Variants in ZNF536 observed in about 807,000 individuals in gnomAD.
ZNF536 encodes zinc finger protein 536.
Under a neutral mutation model 84.5 loss-of-function variants are expected in ZNF536, and 13 were observed. The ratio of observed to expected loss-of-function variants is 0.15; its 90% CI spans 0.10 to 0.24. ZNF536 has a LOEUF of 0.24. Among genes scored for constraint, ZNF536 ranks in the 10% least tolerant of loss-of-function variants. ZNF536 has a pLI of 1.00. For synonymous variants in ZNF536, 811 were observed against 742.5 expected (o/e 1.09, Z -1.50); for missense variants, 1,536 against 1,747.5 (o/e 0.88, Z 2.16).
At chr19:30,540,106 G>A (rs1021565646) in intron 3 of ZNF536, among the ~76,000 whole-genome samples, 9 of 152,210 alleles carry the variant, frequency 5.9e-5, no homozygotes, top group Admixed American at 3.9e-4. Context: ...GATCCGCACA[G>A]GGAAGTCAGT....
rs548479683 is a variant in ZNF536, at chr19:30,441,350, C to T, written c.-2-2211C>T. ...TGTTGGCTCAGAAGAGGAGCCAGTG[C>T]AGCTGTATGGGGCTTGAAGGTGGAG... On this transcript the variant is annotated intron_variant, in intron 1 of 4. Transcript: ENST00000355537. Among the ~76,000 whole-genome samples the T allele has an allele frequency of 2.0e-5, 3 of 152,362 alleles. No individual in the cohort carries two copies. The South Asian group carries it at 6.2e-4, about 32-fold the overall frequency.
intron 2 of ZNF536, among the ~76,000 whole-genome samples, chr19:30,320,032 GC>G (rs1380836379): frequency 6.6e-6 from 1 of 151,882 alleles, no homozygotes; most frequent in Admixed American, 6.6e-5. Context: ...TCATCCTTTT[GC>G]CATTGGACAG....
chr19:30,456,500 C>G (rs1231166715), intron 2 of ZNF536, among the ~76,000 whole-genome samples: 1 of 152,026 alleles, frequency 6.6e-6, no homozygotes, highest in Non-Finnish European at 1.5e-5. Context: ...TGTGCTGCGG[C>G]TCTAGACTGT....
intron 2 of ZNF536, among the ~76,000 whole-genome samples, chr19:30,466,347 G>T (rs575859293): frequency 4.8e-4 from 72 of 151,386 alleles, no homozygotes; most frequent in Non-Finnish European, 7.7e-4. Flanking sequence ...TTCAAGACCA[G>T]CTGGGGCAAC....
intron 2 of ZNF536, among the ~76,000 whole-genome samples, chr19:30,287,298 A>G (rs1600082648): frequency 1.8e-5 from 2 of 110,590 alleles, no homozygotes; most frequent in Admixed American, 1.1e-4. Flanking sequence ...TGGATGGATG[A>G]GTGGACGGAT....
intron 3 of ZNF536, among the ~76,000 whole-genome samples, chr19:30,353,493 C>A (rs2047998741): frequency 6.6e-6 from 1 of 152,096 alleles, no homozygotes; most frequent in South Asian, 2.1e-4. Flanking sequence ...ACAGCGAACA[C>A]CAGCAGTGGT....
intron 4 of ZNF536, among the ~76,000 whole-genome samples, chr19:30,552,780 T>C (rs1196791767): frequency 2.6e-5 from 4 of 151,858 alleles, no homozygotes; most frequent in African/African-American, 9.7e-5. Flanking sequence ...GCCAGTTGGG[T>C]GGGGAGACGC....
Position 30,445,289 on chromosome 19 carries a change from A to G in ZNF536, c.1727A>G (p.Gln576Arg), listed in dbSNP as rs1381110771. 3 of 1,614,240 alleles carry G rather than the reference A, an allele frequency of 1.9e-6. No individual in the cohort carries two copies. Among genetic ancestry groups the G allele is most frequent in the Non-Finnish European group, 2.5e-6 (3 of 1,180,048 alleles). The change falls in exon 2 of 5, where the codon CAG becomes CGG. Residue 576 changes from glutamine (Q) to arginine (R), a missense_variant. By Grantham distance (43) the Gln-to-Arg change is conservative (BLOSUM62 1). This residue lies in a region of ZNF536 where 366 missense variants were observed against 364.4 expected (regional missense o/e 1.00). Coordinates refer to ENST00000355537, the MANE Select transcript of ZNF536 (RefSeq NM_014717.3). The surrounding 1 kb of genome is among the most constrained non-coding windows in gnomAD (Gnocchi z 4.5). ...TTAGTGGGAGCAGATGGCTCCAAGC[A>G]GAAAATGCCTGCTGATTTGGTTCAC... The part of the protein sequence containing the change: ...YVLVGADGSK[Q>R]KMPADLVHST...
intron 1 of ZNF536, among the ~76,000 whole-genome samples, chr19:30,627,322 G>A (rs1188026932): frequency 1.3e-5 from 2 of 151,684 alleles, no homozygotes; most frequent in African/African-American, 2.4e-5. Context: ...TAAGAAAATA[G>A]TCAGGTGGTG....
At chr19:30,265,802 T>G (rs549536730) in intron 1 of ZNF536, among the ~76,000 whole-genome samples, 1 of 152,296 alleles carries the variant, frequency 6.6e-6, no homozygotes, top group Non-Finnish European at 1.5e-5. Flanking sequence ...GTGGGCACTC[T>G]TTTCTTCAGA....
chr19:30,670,722 C>A (rs1010710416), intron 1 of ZNF536, among the ~76,000 whole-genome samples: 1 of 152,236 alleles, frequency 6.6e-6, no homozygotes, highest in Non-Finnish European at 1.5e-5. Flanking sequence ...CCTTTCCGGA[C>A]TGGCCCCTTG....
At chr19:30,359,941 G>T (rs1469712123) in intron 3 of ZNF536, among the ~76,000 whole-genome samples, 1 of 152,204 alleles carries the variant, frequency 6.6e-6, no homozygotes, top group Non-Finnish European at 1.5e-5. Flanking sequence ...GAGGCCACCT[G>T]CTGAGTGAGA....
intron 2 of ZNF536, among the ~76,000 whole-genome samples, chr19:30,342,191 T>C (rs2047584828): frequency 6.6e-6 from 1 of 152,246 alleles, no homozygotes; most frequent in African/African-American, 2.4e-5. Context: ...TAAGTCATAG[T>C]TAGATAGCCA....
chr19:30,361,550 G>A (rs955498465), intron 3 of ZNF536, among the ~76,000 whole-genome samples: 1 of 152,068 alleles, frequency 6.6e-6, no homozygotes, highest in Non-Finnish European at 1.5e-5. Context: ...GGAGAGGCCT[G>A]GTGAAGTGGA....
intron 1 of ZNF536, among the ~76,000 whole-genome samples, chr19:30,623,868 G>A (rs1395524123): frequency 6.6e-6 from 1 of 152,136 alleles, no homozygotes; most frequent in African/African-American, 2.4e-5. Context: ...GTACTGGAGG[G>A]GCCTCAGTGC....
intron 1 of ZNF536, among the ~76,000 whole-genome samples, chr19:30,237,293 G>A (rs965350126): frequency 1.3e-4 from 20 of 152,000 alleles, no homozygotes; most frequent in African/African-American, 3.9e-4. Flanking sequence ...TTCCTTCCCC[G>A]GGACAGACTT....
At chr19:30,391,205 A>G (rs2049573003) in intron 1 of ZNF536, among the ~76,000 whole-genome samples, 1 of 152,170 alleles carries the variant, frequency 6.6e-6, no homozygotes, top group Non-Finnish European at 1.5e-5. Flanking sequence ...ATACCACAGG[A>G]TGTCTTGCCC....
intron 1 of ZNF536, among the ~76,000 whole-genome samples, chr19:30,621,871 C>T (rs1247716021): frequency 6.6e-6 from 1 of 152,242 alleles, no homozygotes; most frequent in African/African-American, 2.4e-5. Flanking sequence ...AAACCCTCTC[C>T]TCTTCAGGCT....
chr19:30,700,204 C>CTTTCTTTCT (rs2051857320), intron 1 of ZNF536, among the ~76,000 whole-genome samples: 2 of 104,280 alleles, frequency 1.9e-5, no homozygotes, highest in Non-Finnish European at 4.1e-5. Context: ...TTCTTTCCTT[C>CTTTCTTTCT]TTTCTTTCCT....
Sources: gnomAD v4.1 joint callset for allele counts (sites outside exome capture counted in the v4.1 genomes callset) on GRCh38, gnomAD v4.1.1 for gene constraint, gnomAD v4.1.1 regional missense constraint, Gnocchi (gnomAD v3.1) non-coding constraint, MANE v1.5 for transcripts, NCBI Gene and HGNC (gene_info 2026-07-23, HGNC 2026-07-21) for gene names.